The following LRP1B variants were observed in gnomAD, a reference collection of about 807,000 sequenced individuals.
The protein encoded by LRP1B is LDL receptor related protein 1B, also known as low-density lipoprotein receptor-related protein 1B.
A neutral mutation model predicts 556.6 loss-of-function variants in LRP1B; 217 were observed. That is an observed-to-expected ratio of 0.39 (90% confidence interval 0.35 to 0.44). LRP1B has a LOEUF of 0.44. Ranked by LOEUF, LRP1B falls within the 20% of genes least tolerant of loss-of-function variation. The pLI is 1.00. For synonymous variants in LRP1B, 2,047 were observed against 1,865.8 expected (o/e 1.10, Z -2.50); for missense variants, 5,053 against 5,620.8 (o/e 0.90, Z 3.23).
intron 22 of LRP1B, among the ~76,000 whole-genome samples, chr2:140,906,512 A>G (rs775485494): frequency 6.6e-6 from 1 of 152,072 alleles, no homozygotes; most frequent in African/African-American, 2.4e-5. Context: ...ATATTTTTCA[A>G]TAACTGCAGG....
chr2:142,122,818 T>C (rs1707504227), intron 1 of LRP1B, among the ~76,000 whole-genome samples: 1 of 152,054 alleles, frequency 6.6e-6, no homozygotes, highest in Non-Finnish European at 1.5e-5. Context: ...AGTGGAATAT[T>C]TCAATAAAGC....
intron 66 of LRP1B, among the ~76,000 whole-genome samples, chr2:140,428,840 A>T (rs1685782409): frequency 6.6e-6 from 1 of 152,074 alleles, no homozygotes; most frequent in South Asian, 2.1e-4. Context: ...GCCAACTTAG[A>T]CAATACTTTT....
intron 41 of LRP1B, among the ~76,000 whole-genome samples, chr2:140,647,498 G>A (rs776206892): frequency 9.2e-5 from 14 of 152,024 alleles, no homozygotes; most frequent in Non-Finnish European, 1.9e-4. Flanking sequence ...GAGTGAAGAC[G>A]GTGTTATTAA....
chr2:141,172,813 CT>C (rs1200841602), intron 7 of LRP1B, among the ~76,000 whole-genome samples: 1 of 151,898 alleles, frequency 6.6e-6, no homozygotes, highest in African/African-American at 2.4e-5. Context: ...ATCTATTATG[CT>C]CCTTATCCTC....
intron 35 of LRP1B, among the ~76,000 whole-genome samples, chr2:140,730,135 C>G (rs149112917): frequency 6.6e-6 from 1 of 152,290 alleles, no homozygotes; most frequent in African/African-American, 2.4e-5. Flanking sequence ...CTACATATAC[C>G]ACTACAGTTT....
chr2:141,937,340 G>A (rs6732502), intron 1 of LRP1B, among the ~76,000 whole-genome samples: 130,383 of 151,694 alleles, frequency 0.86, 56,216 homozygotes, highest in East Asian at 1. Flanking sequence ...AGCCGAGATC[G>A]CGCCACTGCA....
At chr2:140,322,344 A>G (rs1048575428) in intron 81 of LRP1B, among the ~76,000 whole-genome samples, 33 of 152,066 alleles carry the variant, frequency 2.2e-4, no homozygotes, top group Non-Finnish European at 4.3e-4. Context: ...ATTCAAATCT[A>G]TACCTTGTTA....
chr2:140,255,814 C>T (rs530219941), intron 86 of LRP1B, among the ~76,000 whole-genome samples: 2 of 152,186 alleles, frequency 1.3e-5, no homozygotes, highest in South Asian at 2.1e-4. Context: ...ATCAATCAGT[C>T]ATTTCTCACT....
At chr2:140,531,857 T>C (rs892649910) in intron 47 of LRP1B, among the ~76,000 whole-genome samples, 3 of 152,202 alleles carry the variant, frequency 2.0e-5, no homozygotes, top group African/African-American at 7.2e-5. Context: ...TTGAAAATGC[T>C]GAATGATCCT....
chr2:140,754,625 G>T (rs1688683765), intron 35 of LRP1B, among the ~76,000 whole-genome samples: 1 of 151,974 alleles, frequency 6.6e-6, no homozygotes, highest in Non-Finnish European at 1.5e-5. Context: ...ACTTTGAGAT[G>T]AGTGAAAATG....
At chr2:140,897,252 C>G (rs1693980297) in intron 23 of LRP1B, among the ~76,000 whole-genome samples, 1 of 152,084 alleles carries the variant, frequency 6.6e-6, no homozygotes, top group South Asian at 2.1e-4. Context: ...AACAGCACCA[C>G]AAAGTGAAGC....
intron 21 of LRP1B, among the ~76,000 whole-genome samples, chr2:140,919,373 CAGA>C (rs34647080): frequency 0.093 from 14,135 of 152,040 alleles, 909 homozygotes; most frequent in East Asian, 0.28. Context: ...CCAAGCCAGA[CAGA>C]AGTTCAGCTC....
At chr2:140,310,046 T>C (rs1420128664) in intron 83 of LRP1B, among the ~76,000 whole-genome samples, 1 of 151,804 alleles carries the variant, frequency 6.6e-6, no homozygotes, top group Non-Finnish European at 1.5e-5. Context: ...GCTGCAAAGT[T>C]TGCATCATCA....
chr2:141,484,818 C>A (rs1306404519), intron 2 of LRP1B, among the ~76,000 whole-genome samples: 1 of 151,996 alleles, frequency 6.6e-6, no homozygotes, highest in Non-Finnish European at 1.5e-5. Flanking sequence ...GATTTTGTAT[C>A]CTGAGACTTT....
chr2:141,926,936 A>T (rs908127245), intron 1 of LRP1B, among the ~76,000 whole-genome samples: 14 of 152,138 alleles, frequency 9.2e-5, no homozygotes, highest in Admixed American at 8.5e-4. Flanking sequence ...ATACAAAATT[A>T]GGTTCAGAAT....
chr2:141,425,048 T>G (rs1680302336), intron 3 of LRP1B, among the ~76,000 whole-genome samples: 1 of 150,358 alleles, frequency 6.7e-6, no homozygotes, highest in Non-Finnish European at 1.5e-5. Flanking sequence ...TAGGTATATC[T>G]CCTAATGCTA....
intron 7 of LRP1B, among the ~76,000 whole-genome samples, chr2:141,069,736 T>C (rs1490520493): frequency 2.0e-5 from 3 of 152,058 alleles, no homozygotes; most frequent in Non-Finnish European, 2.9e-5. Context: ...TAGGCTGTAA[T>C]TGAAACTCTA....
chr2:140,438,049 G>C (rs1248942206), intron 66 of LRP1B, among the ~76,000 whole-genome samples: 1 of 152,084 alleles, frequency 6.6e-6, no homozygotes, highest in Admixed American at 6.6e-5. Context: ...GATAGGGTCT[G>C]TGTCTGTCAC....
chr2:140,332,118 A>G (rs1242580292), intron 79 of LRP1B, among the ~76,000 whole-genome samples: 1 of 152,040 alleles, frequency 6.6e-6, no homozygotes, highest in Non-Finnish European at 1.5e-5. Context: ...TCCAATGAAG[A>G]GCTTTTTAAA....
Sources: gnomAD v4.1 joint callset for allele counts (sites outside exome capture counted in the v4.1 genomes callset) on GRCh38, gnomAD v4.1.1 for gene constraint, MANE v1.5 for transcripts, NCBI Gene and HGNC (gene_info 2026-07-23, HGNC 2026-07-21) for gene names.